SLC27A6: variants seen among roughly 807,000 people sequenced by gnomAD.
SLC27A6 encodes solute carrier family 27 member 6.
SLC27A6 carries 74 observed loss-of-function variants against 63.9 expected under a neutral mutation model. The ratio of observed to expected loss-of-function variants is 1.16; its 90% CI spans 0.96 to 1.40. The LOEUF (loss-of-function observed/expected upper bound fraction) is 1.40. SLC27A6 is among the 40% of genes most tolerant of loss of function. SLC27A6 has a pLI of 0.00. For missense variants in SLC27A6, 794 were observed against 732.9 expected (o/e 1.08, Z -0.96); for synonymous variants, 287 against 260.8 (o/e 1.10, Z -0.97).
At chr5:128,998,102 A>G (rs993905239) in intron 4 of SLC27A6, among the ~76,000 whole-genome samples, 1 of 139,266 alleles carries the variant, frequency 7.2e-6, no homozygotes, top group South Asian at 2.4e-4. Context: ...CAACATAGTG[A>G]CAGTCCCATC....
At chr5:128,993,799 T>C (rs540406957) in intron 4 of SLC27A6, among the ~76,000 whole-genome samples, 51 of 152,228 alleles carry the variant, frequency 3.4e-4, no homozygotes, top group Non-Finnish European at 6.9e-4. Flanking sequence ...GAATGCCTGA[T>C]TGCTTTTTAA....
intron 1 of SLC27A6, among the ~76,000 whole-genome samples, chr5:128,984,459 G>GTTATCC (rs1750717308): frequency 6.6e-6 from 1 of 152,178 alleles, no homozygotes; most frequent in Non-Finnish European, 1.5e-5. Flanking sequence ...CACCTCACCA[G>GTTATCC]TTGCTCCTTT....
intron 1 of SLC27A6, among the ~76,000 whole-genome samples, chr5:128,980,472 G>C (rs1321062786): frequency 6.6e-6 from 1 of 152,170 alleles, no homozygotes; most frequent in East Asian, 1.9e-4. Context: ...CAGAATTCCA[G>C]TGTTTTGCTG....
intron 4 of SLC27A6, among the ~76,000 whole-genome samples, chr5:129,007,463 A>T (rs1345319432): frequency 5.1e-5 from 7 of 136,516 alleles, no homozygotes; most frequent in African/African-American, 7.9e-5. Context: ...AAAAAAAAAA[A>T]AATATAATGT....
At chr5:129,011,026 C>T (rs1267299738) in intron 4 of SLC27A6, among the ~76,000 whole-genome samples, 1 of 152,140 alleles carries the variant, frequency 6.6e-6, no homozygotes, top group East Asian at 1.9e-4. Flanking sequence ...GTTACTATAA[C>T]ACAACATTTA....
chr5:128,988,852 G>C, intron 3 of SLC27A6, 94 bp downstream of exon 3: 5 of 985,770 alleles, frequency 5.1e-6, no homozygotes, highest in Admixed American at 2.3e-5. Context: ...GTAGAATTTA[G>C]AGTGATTATA....
At position 128,970,524 on chromosome 5, in the gene SLC27A6, A is replaced by T. The variant is rs189516990; in HGVS notation, c.481+3906A>T. ...GTCCAGGAATTTATCCATTTTTTCT[A>T]GATTTTCTAGTTTATTTGCGTAGAG... is the stretch of plus-strand genomic sequence containing the variant. On this transcript the variant is annotated intron_variant, in intron 1 of 9. Transcript: ENST00000262462. Among the ~76,000 whole-genome samples, 265 of 152,192 alleles carry T rather than the reference A, an allele frequency of 1.7e-3. 3 individuals are homozygous for T. The highest frequency in any genetic ancestry group is 1.1e-3 in the Non-Finnish European group (76 of 68,006).
At chr5:128,973,222 G>A (rs1443689041) in intron 1 of SLC27A6, among the ~76,000 whole-genome samples, 1 of 152,156 alleles carries the variant, frequency 6.6e-6, no homozygotes, top group Non-Finnish European at 1.5e-5. Context: ...GGCTACTCGT[G>A]GGTCAGGGAC....
At chr5:129,008,270 G>T (rs928105894) in intron 4 of SLC27A6, among the ~76,000 whole-genome samples, 1 of 152,114 alleles carries the variant, frequency 6.6e-6, no homozygotes, top group Non-Finnish European at 1.5e-5. Flanking sequence ...GGACATTAGA[G>T]AAATGAATTT....
At chr5:129,016,113 A>G (rs370576367) in intron 5 of SLC27A6, 34 bp downstream of exon 5, 9 of 1,479,460 alleles carry the variant, frequency 6.1e-6, no homozygotes, top group East Asian at 2.4e-5. Flanking sequence ...AAAGAAATAC[A>G]TCGGTGCGGT....
chr5:128,984,818 G>A (rs1048928656), intron 1 of SLC27A6, among the ~76,000 whole-genome samples: 4 of 152,196 alleles, frequency 2.6e-5, no homozygotes, highest in Non-Finnish European at 4.4e-5. Context: ...CCTGAATTTA[G>A]ATTCAGACAG....
Position 128,966,307 on chromosome 5 carries a change from T to G in SLC27A6, c.170T>G (p.Leu57Arg). The G allele has an allele frequency of 6.2e-7, 1 of 1,614,102 alleles. No homozygotes were observed. The highest frequency in any genetic ancestry group is 8.5e-7 in the Non-Finnish European group (1 of 1,179,996). The change falls in exon 1 of 10, where the codon CTG becomes CGG. Residue 57 changes from leucine to arginine, a missense_variant. Transcript: ENST00000262462. Reference protein sequence around the residue: ...YEKRGELVTVLDKFLSHAKRQ... With the variant: ...YEKRGELVTVRDKFLSHAKRQ... The stretch of plus-strand genomic sequence containing the variant: ...AAGAGAGGGGAGCTGGTGACTGTGC[T>G]GGATAAATTCTTGAGTCATGCCAAA...
rs144636139 is a variant in SLC27A6, at chr5:129,020,736, C to T, written c.1165-2884C>T. On this transcript the variant is annotated intron_variant, in intron 5 of 9. Transcript: ENST00000262462. The stretch of plus-strand genomic sequence containing the variant: ...TAAGAGAACAGTCCCCACAAGACCA[C>T]TCCCATTTCTGACACAATTTCAGGA... Among the ~76,000 whole-genome samples, 1,299 of 152,222 alleles carry T rather than the reference C, an allele frequency of 8.5e-3. 9 individuals carry two copies. Among genetic ancestry groups the T allele is most frequent in the Non-Finnish European group, 0.013 (874 of 68,018 alleles).
chr5:129,007,302 G>A (rs148934305), intron 4 of SLC27A6, among the ~76,000 whole-genome samples: 3 of 151,926 alleles, frequency 2.0e-5, no homozygotes, highest in Middle Eastern at 3.4e-3. Flanking sequence ...AAATTAGCCA[G>A]GTGTGGTGGC....
intron 1 of SLC27A6, among the ~76,000 whole-genome samples, chr5:128,977,274 A>T (rs1021951080): frequency 6.6e-6 from 1 of 152,226 alleles, no homozygotes; most frequent in African/African-American, 2.4e-5. Flanking sequence ...AAATTTCCTC[A>T]GTTCAAGAGT....
intron 4 of SLC27A6, among the ~76,000 whole-genome samples, chr5:129,010,556 A>T (rs1406435096): frequency 2.0e-5 from 3 of 152,186 alleles, no homozygotes; most frequent in African/African-American, 2.4e-5. Context: ...AAATGACAGG[A>T]ACTCAATGTG....
Position 128,990,470 on chromosome 5 carries a change from C to A in SLC27A6, c.969+6C>A. On this transcript the variant is annotated splice_donor_region_variant and intron_variant, in intron 4 of 9. Transcript: ENST00000262462. ...ACCTTTGCAAACAATCTAAGGTAGGCGTAATCATTATCAGAAAAAAATATG... is the reference window on the plus strand; with the variant it reads ...ACCTTTGCAAACAATCTAAGGTAGGAGTAATCATTATCAGAAAAAAATATG... 1.9e-6 allele frequency: 3 copies of A among 1,595,390 alleles called. No individual in the cohort carries two copies. Among genetic ancestry groups the A allele is most frequent in the East Asian group, 4.6e-5 (2 of 43,882 alleles).
intron 4 of SLC27A6, among the ~76,000 whole-genome samples, chr5:129,007,382 G>T (rs1380119427): frequency 6.7e-6 from 1 of 148,874 alleles, no homozygotes; most frequent in Non-Finnish European, 1.5e-5. Flanking sequence ...GGCGGAGGTT[G>T]CAGTGAGCTG....
Position 128,965,928 on chromosome 5 carries a change from C to T in SLC27A6, c.-210C>T. ...CCAGTGACCCAAGCTTAATCTTCAG[C>T]ACCACTTGGGGCGACCTTTTCGGTG... is the stretch of plus-strand genomic sequence containing the variant. On this transcript the variant is annotated 5_prime_UTR_variant, in exon 1 of 10. Transcript: ENST00000262462. The T allele has an allele frequency of 6.2e-6, 3 of 484,556 alleles. No homozygotes were observed. The highest frequency in any genetic ancestry group is 1.0e-5 in the Non-Finnish European group (3 of 291,694). The allele number at this position is 484,556 out of a possible 1,614,324, so 30.0% of individuals were successfully genotyped here. A position where few individuals can be genotyped will look rare whatever the true frequency, so the allele number is the denominator to read the frequency against.
Sources: allele counts gnomAD v4.1 joint callset (sites outside exome capture counted in the v4.1 genomes callset), GRCh38; gene constraint gnomAD v4.1.1; transcripts MANE v1.5; gene names NCBI Gene and HGNC (gene_info 2026-07-23, HGNC 2026-07-21).